ALG13: variants seen among roughly 807,000 people sequenced by gnomAD.
ALG13 encodes ALG13 UDP-N-acetylglucosaminyltransferase subunit.
In ALG13, 11 loss-of-function variants were observed where a neutral mutation model predicts 87.8. The observed-to-expected ratio is 0.13, with a 90% CI of 0.08 to 0.21. The LOEUF is 0.21. ALG13 is among the 10% of genes least tolerant of loss of function. ALG13 has a pLI of 1.00. For synonymous variants in ALG13, 320 were observed against 306.3 expected (o/e 1.04, Z -0.47); for missense variants, 756 against 866.1 (o/e 0.87, Z 1.60).
chrX:111,691,744 G>A (rs759499244), intron 3 of ALG13, among the ~76,000 whole-genome samples: 1 of 111,975 alleles, frequency 8.9e-6, no homozygotes, highest in Non-Finnish European at 1.9e-5. Context: ...GTAACGGTAT[G>A]CTAGCCATAG....
chrX:111,713,320 A>T, intron 8 of ALG13, 23 bp downstream of exon 8: 1 of 1,041,912 alleles, frequency 9.6e-7, no homozygotes, highest in Non-Finnish European at 1.3e-6. Context: ...GTGAATGTTG[A>T]CTTATATAAA....
At chrX:111,685,963 G>T (rs1934824420) in intron 3 of ALG13, among the ~76,000 whole-genome samples, 1 of 111,308 alleles carries the variant, frequency 9.0e-6, no homozygotes, top group Non-Finnish European at 1.9e-5. Flanking sequence ...GTTGGGTGGG[G>T]GTAGCTTATG....
At chrX:111,712,342 C>T in intron 6 of ALG13, 142 bp from the exon 7 acceptor site, 1 of 317,599 alleles carries the variant, frequency 3.1e-6, no homozygotes, top group Non-Finnish European at 5.8e-6. Flanking sequence ...CACAGTATTC[C>T]AAGCCTTAAA....
intron 23 of ALG13, among the ~76,000 whole-genome samples, chrX:111,741,843 C>T (rs1046105604): frequency 9.1e-6 from 1 of 110,400 alleles, no homozygotes; most frequent in Middle Eastern, 4.7e-3. Flanking sequence ...AGCACAGTGC[C>T]TGGAACAAAA....
At chrX:111,684,937 G>A (rs1187011079) in intron 2 of ALG13, 28 bp from the exon 3 acceptor site, 2 of 1,178,279 alleles carry the variant, frequency 1.7e-6, no homozygotes, top group Non-Finnish European at 2.3e-6. Context: ...TTCAAATTGT[G>A]TTGAACAAAT....
chrX:111,698,085 T>A (rs928943985), intron 3 of ALG13, among the ~76,000 whole-genome samples: 1 of 112,393 alleles, frequency 8.9e-6, no homozygotes, highest in Non-Finnish European at 1.9e-5. Flanking sequence ...TTGTATGTCC[T>A]ATTCCTCCGC....
intron 26 of ALG13, among the ~76,000 whole-genome samples, chrX:111,759,528 A>C (rs1245654941): frequency 8.9e-6 from 1 of 111,833 alleles, no homozygotes; most frequent in Non-Finnish European, 1.9e-5. Context: ...TAGATTTGAC[A>C]CATATATTTC....
chrX:111,714,175 G>C (rs892652513), intron 8 of ALG13: 10 of 111,062 alleles, frequency 9.0e-5, no homozygotes, highest in African/African-American at 3.3e-4. Flanking sequence ...TATGAACGGG[G>C]TACGTTAATT....
intron 24 of ALG13, among the ~76,000 whole-genome samples, chrX:111,748,186 C>T (rs1944409713): frequency 8.9e-6 from 1 of 112,287 alleles, no homozygotes; most frequent in Non-Finnish European, 1.9e-5. Context: ...TTTTGGGTAA[C>T]AGTCCATTAT....
At chrX:111,732,693 G>A (rs933521823) in intron 21 of ALG13, among the ~76,000 whole-genome samples, 1 of 112,135 alleles carries the variant, frequency 8.9e-6, no homozygotes, top group African/African-American at 3.2e-5. Flanking sequence ...TGACTAAACT[G>A]TGGCAGCTTC....
chrX:111,753,687 A>G (rs768091437), intron 25 of ALG13, among the ~76,000 whole-genome samples: 2 of 112,062 alleles, frequency 1.8e-5, no homozygotes, highest in East Asian at 5.6e-4. Context: ...AAATGGATAA[A>G]TTCCTGGACA....
intron 1 of ALG13, chrX:111,681,694 C>T: frequency 1.2e-6 from 1 of 846,086 alleles, no homozygotes; most frequent in Non-Finnish European, 1.4e-6. Context: ...CGCACGTCGG[C>T]GCCGGCGTCT....
chrX:111,721,520 A>G, intron 11 of ALG13, 83 bp from the exon 12 acceptor site: 1 of 431,036 alleles, frequency 2.3e-6, no homozygotes, highest in Non-Finnish European at 4.0e-6. Context: ...CCTTCTTCAT[A>G]GAAGGAAGAA....
chrX:111,686,270 A>AG, intron 3 of ALG13: 1 of 391,161 alleles, frequency 2.6e-6, no homozygotes, highest in Non-Finnish European at 3.8e-6. Context: ...GTGTATATAT[A>AG]TATTTATTTA....
intron 3 of ALG13, among the ~76,000 whole-genome samples, chrX:111,699,098 C>CT (rs1349390060): frequency 8.9e-6 from 1 of 112,146 alleles, no homozygotes; most frequent in East Asian, 2.8e-4. Flanking sequence ...TTGCATTTCT[C>CT]TAATGATTAG....
At chrX:111,751,942 C>T (rs1362751423) in intron 24 of ALG13, among the ~76,000 whole-genome samples, 3 of 111,735 alleles carry the variant, frequency 2.7e-5, no homozygotes, top group South Asian at 3.8e-4. Context: ...AGTTTCATAA[C>T]GTCAAGAGAA....
intron 1 of ALG13, 197 bp downstream of exon 1, chrX:111,681,496 G>A (rs1933147085): frequency 3.8e-6 from 4 of 1,040,442 alleles, no homozygotes; most frequent in Non-Finnish European, 5.0e-6. Flanking sequence ...GCCACTCGGG[G>A]TTGCCTGTTT....
chrX:111,681,586 G>A (rs1345543245), intron 1 of ALG13: 3 of 947,066 alleles, frequency 3.2e-6, no homozygotes, highest in Non-Finnish European at 4.0e-6. Context: ...TCTATTCTCC[G>A]CCTCCGCGTC....
In ALG13 at chrX:111,707,922, T is replaced by A. The variant is rs552876902; in HGVS notation, c.384-105T>A. The stretch of plus-strand genomic sequence containing the variant: ...GTTAGATTGGGTTAATTCCACTCTT[T>A]CCCAAGGAGGTAACTCTAAGTACTT... On this transcript the variant is annotated intron_variant, in intron 3 of 26. Transcript: ENST00000394780. 9 of 903,871 alleles carry A rather than the reference T, an allele frequency of 1.0e-5. No individual in the cohort carries two copies. In the South Asian group the frequency reaches 2.1e-4, roughly 21 times the overall value. 74.5% of individuals were successfully genotyped at this position (903,871 alleles called of 1,213,427 possible).
Sources: allele counts gnomAD v4.1 joint callset (sites outside exome capture counted in the v4.1 genomes callset), GRCh38; gene constraint gnomAD v4.1.1; transcripts MANE v1.5; gene names NCBI Gene and HGNC (gene_info 2026-07-23, HGNC 2026-07-21).